The following NDUFS4 variants were observed in gnomAD, a reference collection of about 807,000 sequenced individuals.
NDUFS4 encodes the protein NADH dehydrogenase [ubiquinone] iron-sulfur protein 4, mitochondrial.
In NDUFS4, 28 loss-of-function variants were observed where a neutral mutation model predicts 24.3. The ratio of observed to expected loss-of-function variants is 1.15; its 90% CI spans 0.85 to 1.58. The LOEUF (loss-of-function observed/expected upper bound fraction) is 1.58, where lower values mean the gene tolerates loss of function less well. NDUFS4 is among the 40% of genes most tolerant of loss of function. NDUFS4 has a pLI of 0.00. For synonymous variants in NDUFS4, 93 were observed against 69.7 expected, an observed-to-expected ratio of 1.34 and a Z score of -1.67; for missense variants, 223 against 207.9, an observed-to-expected ratio of 1.07 and a Z score of -0.45.
At chr5:53,631,976 C>G (rs1296835081) in intron 2 of NDUFS4, among the ~76,000 whole-genome samples, 1 of 152,154 alleles carries the variant, frequency 6.6e-6, no homozygotes, top group African/African-American at 2.4e-5. Flanking sequence ...ATTCCCCGAC[C>G]CCTTGCACTT....
At chr5:53,679,815 T>C (rs540401074) in intron 4 of NDUFS4, among the ~76,000 whole-genome samples, 312 of 152,226 alleles carry the variant, frequency 2.0e-3, no homozygotes, top group Middle Eastern at 3.4e-3. Context: ...GAGAGAGAAC[T>C]TAGGTTTCTT....
intron 2 of NDUFS4, chr5:53,604,822 G>C (rs940558200): frequency 4.4e-6 from 2 of 456,230 alleles, no homozygotes; most frequent in South Asian, 3.1e-5. Context: ...TGGAGTTCCT[G>C]TTCACTCTAC....
At chr5:53,630,092 C>T (rs1751362365) in intron 2 of NDUFS4, among the ~76,000 whole-genome samples, 1 of 152,188 alleles carries the variant, frequency 6.6e-6, no homozygotes, top group Admixed American at 6.5e-5. Context: ...AAAGATCTCT[C>T]AGCATTTGCT....
At chr5:53,656,711 G>A (rs1162906333) in intron 3 of NDUFS4, among the ~76,000 whole-genome samples, 2 of 152,188 alleles carry the variant, frequency 1.3e-5, no homozygotes, top group Non-Finnish European at 2.9e-5. Flanking sequence ...TGAAGTTAAT[G>A]TGATAGACAG....
Position 53,560,774 on chromosome 5 carries a change from C to T in NDUFS4, c.98+14C>T. On this transcript the variant is annotated intron_variant, in intron 1 of 4. Coordinates refer to ENST00000296684, the MANE Select transcript of NDUFS4 (RefSeq NM_002495.4). ...GGTTCCGACCAGGTAATAGAATTTT[C>T]ACACTTTTCTTCAAGCTTCTTGGGT... is the stretch of plus-strand genomic sequence containing the variant. 1 of 1,614,140 alleles carries T rather than the reference C, an allele frequency of 6.2e-7. No individual in the cohort carries two copies. The highest frequency in any genetic ancestry group is 1.3e-5 in the African/African-American group (1 of 75,058).
At chr5:53,597,751 G>T (rs1294560827) in intron 1 of NDUFS4, among the ~76,000 whole-genome samples, 5 of 152,178 alleles carry the variant, frequency 3.3e-5, no homozygotes, top group Non-Finnish European at 4.4e-5. Flanking sequence ...AAATGCATCA[G>T]TTAGGCTTCA....
intron 2 of NDUFS4, among the ~76,000 whole-genome samples, chr5:53,624,616 ATTTAC>A (rs1193538983): frequency 2.6e-5 from 4 of 151,978 alleles, no homozygotes; most frequent in African/African-American, 9.7e-5. Flanking sequence ...TGTTTTTGTA[ATTTAC>A]TTTTTAGATT....
chr5:53,629,765 A>G (rs777984851), intron 2 of NDUFS4, among the ~76,000 whole-genome samples: 2 of 151,722 alleles, frequency 1.3e-5, no homozygotes, highest in Non-Finnish European at 2.9e-5. Context: ...TTTTGAGCCT[A>G]TGCATGTCTT....
chr5:53,659,740 G>GA (rs1292588195), intron 4 of NDUFS4, among the ~76,000 whole-genome samples: 1 of 152,124 alleles, frequency 6.6e-6, no homozygotes, highest in Non-Finnish European at 1.5e-5. Context: ...ATACAAATGT[G>GA]AAAGCACTAT....
intron 3 of NDUFS4, among the ~76,000 whole-genome samples, chr5:53,648,931 C>A (rs1367230222): frequency 6.6e-6 from 1 of 152,094 alleles, no homozygotes; most frequent in Non-Finnish European, 1.5e-5. Flanking sequence ...AGGTAGAATT[C>A]TAAGATGCCC....
intron 1 of NDUFS4, 132 bp from the exon 2 acceptor site, chr5:53,603,320 C>G (rs1579860470): frequency 1.4e-6 from 1 of 709,210 alleles, no homozygotes; most frequent in Non-Finnish European, 2.3e-6. Context: ...GTGCCCTCTT[C>G]TCTTTCTTTC....
At chr5:53,638,937 C>A (rs1405681492) in intron 2 of NDUFS4, among the ~76,000 whole-genome samples, 1 of 151,974 alleles carries the variant, frequency 6.6e-6, no homozygotes, top group Non-Finnish European at 1.5e-5. Flanking sequence ...CATCTTTGAC[C>A]ACATGAGATA....
chr5:53,595,734 C>A (rs1285432030), intron 1 of NDUFS4, among the ~76,000 whole-genome samples: 2 of 152,180 alleles, frequency 1.3e-5, no homozygotes, highest in African/African-American at 4.8e-5. Flanking sequence ...TTACCCTTAT[C>A]CCTCTTGCAC....
At chr5:53,583,999 G>C (rs1749660002) in intron 1 of NDUFS4, among the ~76,000 whole-genome samples, 1 of 152,168 alleles carries the variant, frequency 6.6e-6, no homozygotes, top group South Asian at 2.1e-4. Context: ...GAAAACAGAA[G>C]TATCTGGCAG....
chr5:53,665,254 C>A (rs1752478994), intron 4 of NDUFS4, among the ~76,000 whole-genome samples: 1 of 152,308 alleles, frequency 6.6e-6, no homozygotes, highest in South Asian at 2.1e-4. Context: ...GGGTGCCTCC[C>A]AGTTAGGCTA....
intron 2 of NDUFS4, among the ~76,000 whole-genome samples, chr5:53,645,355 A>G (rs1382778372): frequency 1.3e-5 from 2 of 152,194 alleles, no homozygotes; most frequent in East Asian, 1.9e-4. Flanking sequence ...GCAGTAGGAT[A>G]TAAATAACTC....
intron 4 of NDUFS4, among the ~76,000 whole-genome samples, chr5:53,663,196 T>TA (rs1189804467): frequency 6.6e-6 from 1 of 152,180 alleles, no homozygotes; most frequent in Admixed American, 6.5e-5. Flanking sequence ...CAGTTTGTTA[T>TA]AATTTGTTAT....
intron 2 of NDUFS4, among the ~76,000 whole-genome samples, chr5:53,610,443 G>A (rs569383863): frequency 6.6e-6 from 1 of 152,064 alleles, no homozygotes; most frequent in Non-Finnish European, 1.5e-5. Context: ...AATATTGGGA[G>A]AATTGTCAAA....
At chr5:53,573,787 TTGC>T in intron 1 of NDUFS4, 1 of 260,446 alleles carries the variant, frequency 3.8e-6, no homozygotes, top group Non-Finnish European at 7.6e-6. Flanking sequence ...TAGAGACAGG[TTGC>T]TATATTGCCC....
Sources: allele counts gnomAD v4.1 joint callset (sites outside exome capture counted in the v4.1 genomes callset), GRCh38; gene constraint gnomAD v4.1.1; transcripts MANE v1.5; gene names NCBI Gene and HGNC (gene_info 2026-07-23, HGNC 2026-07-21).